ZMAT1: variants seen among roughly 807,000 people sequenced by gnomAD.
The protein encoded by ZMAT1 is zinc finger matrin-type protein 1.
Under a neutral mutation model 18.5 loss-of-function variants are expected in ZMAT1, and 11 were observed. The observed-to-expected ratio is 0.59, with a 90% confidence interval of 0.37 to 0.98. The LOEUF (loss-of-function observed/expected upper bound fraction) is 0.98, where lower values mean the gene tolerates loss of function less well. Ranked by LOEUF, ZMAT1 falls within the 50% of genes least tolerant of loss-of-function variation. ZMAT1 has a pLI of 0.01. For missense variants in ZMAT1, 525 were observed against 496.2 expected (o/e 1.06, Z -0.55); for synonymous variants, 211 against 176.4 (o/e 1.20, Z -1.55).
In ZMAT1 at chrX:101,921,293, ATTTGT is replaced by A. The variant is rs780683340; in HGVS notation, c.292+10419_292+10423del. Reference sequence around the variant, plus strand: ...GAGCGGTTCCCAGTCATATTTTATTATTTGTTTTGTTTCTTAAAGCTTTCCAGGTG... The same window carrying A: ...GAGCGGTTCCCAGTCATATTTTATTATTTGTTTCTTAAAGCTTTCCAGGTG... On this transcript the variant is annotated intron_variant, in intron 1 of 5. Coordinates refer to ENST00000651725, the MANE Select transcript of ZMAT1 (RefSeq NM_001394560.1). Among the ~76,000 whole-genome samples the A allele has an allele frequency of 3.2e-4, 36 of 111,837 alleles. 3 individuals carry two copies. Among genetic ancestry groups the A allele is most frequent in the East Asian group, 2.3e-3 (8 of 3,543 alleles).
intron 4 of ZMAT1, among the ~76,000 whole-genome samples, chrX:101,890,877 A>T (rs1396591009): frequency 9.0e-6 from 1 of 111,549 alleles, no homozygotes; most frequent in African/African-American, 3.3e-5. Context: ...ACTTCTTAAA[A>T]TTTGGAATTG....
rs1445488486 is a variant in ZMAT1, at chrX:101,901,711, CATAA to C, written c.399+2509_399+2512del. Among the ~76,000 whole-genome samples the C allele has an allele frequency of 5.4e-5, 6 of 111,137 alleles. No individual in the cohort carries two copies. In the East Asian group the frequency reaches 8.4e-4, roughly 16 times the overall value. ...TATTCCTTTACTACACATACATATCCATAAATAGTTTTATATATTACTATCTTGT... is the reference window on the plus strand; with the variant it reads ...TATTCCTTTACTACACATACATATCCATAGTTTTATATATTACTATCTTGT... On this transcript the variant is annotated intron_variant, in intron 2 of 5. Coordinates refer to ENST00000651725, the MANE Select transcript of ZMAT1 (RefSeq NM_001394560.1).
In ZMAT1 at chrX:101,931,892, C is replaced by T; in HGVS notation, c.117G>A (p.Ala39=). ...GAACAATTACTGCCGCCGCCGCCGC[C>T]GCCGCCGCCGCTGCCGCGCAGGCGG... is the stretch of plus-strand genomic sequence containing the variant. The part of the protein sequence containing the change: ...SYTACAAAAA[A]AAAAAVIVPA... Residue 39 remains alanine, a synonymous_variant, in exon 1 of 6, where the codon GCG becomes GCA. Transcript: ENST00000651725. 1.3e-6 allele frequency: 1 copy of T among 798,116 alleles called. No individual in the cohort carries two copies. The highest frequency in any genetic ancestry group is 1.5e-6 in the Non-Finnish European group (1 of 670,751). 65.8% of individuals were successfully genotyped at this position (798,116 alleles called of 1,213,427 possible).
intron 1 of ZMAT1, among the ~76,000 whole-genome samples, chrX:101,907,717 C>T (rs191942760): frequency 4.4e-4 from 49 of 111,515 alleles, no homozygotes; most frequent in African/African-American, 1.6e-3. Context: ...AACAGAGGGA[C>T]TGAAATTATA....
chrX:101,924,942 G>T (rs964564364), intron 1 of ZMAT1, among the ~76,000 whole-genome samples: 10 of 112,286 alleles, frequency 8.9e-5, no homozygotes, highest in African/African-American at 3.2e-4. Context: ...GGTGAAGCTT[G>T]CTTGGCAATG....
intron 1 of ZMAT1, among the ~76,000 whole-genome samples, chrX:101,928,339 T>A (rs1438484286): frequency 8.9e-6 from 1 of 112,420 alleles, no homozygotes; most frequent in Non-Finnish European, 1.9e-5. Flanking sequence ...CATGAAAGGT[T>A]ACCCACTAGA....
intron 1 of ZMAT1, among the ~76,000 whole-genome samples, chrX:101,924,272 C>A (rs6621247): frequency 2.7e-5 from 3 of 110,520 alleles, no homozygotes; most frequent in Admixed American, 9.6e-5. Flanking sequence ...CCACTGTGCC[C>A]GGCTAATTTT....
At chrX:101,922,676 G>C (rs1390442731) in intron 1 of ZMAT1, among the ~76,000 whole-genome samples, 1 of 111,167 alleles carries the variant, frequency 9.0e-6, no homozygotes, top group East Asian at 2.8e-4. Flanking sequence ...TACAGGCAAG[G>C]CTAATCTTAA....
At position 101,919,422 on chromosome X, in the gene ZMAT1, C is replaced by T. The variant is rs1180877200; in HGVS notation, c.292+12295G>A. On this transcript the variant is annotated intron_variant, in intron 1 of 5. Transcript: ENST00000651725. ...ATTCAGTGAAATCAAAATAACTTGT[C>T]ACGTCATTTGGGTTTAGCTGGAACT... Among the ~76,000 whole-genome samples, 5 of 111,940 alleles carry T rather than the reference C, an allele frequency of 4.5e-5. No homozygotes were observed. The East Asian group carries it at 1.4e-3, about 31-fold the overall frequency.
Position 101,883,457 on chromosome X carries a change from A to G in ZMAT1, c.*53T>C. On this transcript the variant is annotated 3_prime_UTR_variant, in exon 6 of 6. Coordinates refer to ENST00000651725, the MANE Select transcript of ZMAT1 (RefSeq NM_001394560.1). ...ATCAGGTGTTCCTTTTTCTAAATCC[A>G]TATTGACTGTTTTTTTTTTTCAATT... 4 of 1,025,096 alleles carry G rather than the reference A, an allele frequency of 3.9e-6. No homozygotes were observed. Among genetic ancestry groups the G allele is most frequent in the Non-Finnish European group, 5.2e-6 (4 of 765,990 alleles). The allele number at this position is 1,025,096 out of a possible 1,213,427, so 84.5% of individuals were successfully genotyped here. A position where few individuals can be genotyped will look rare whatever the true frequency, so the allele number is the denominator to read the frequency against.
chrX:101,907,270 C>T lies in ZMAT1; in HGVS notation c.293-2940G>A, dbSNP rs773816469. On this transcript the variant is annotated intron_variant, in intron 1 of 5. Transcript: ENST00000651725. ...TGGATACAGGCTCCAGGCCTGCCCT[C>T]GTCAACACAGGCTGTAGGTCCATTC... Among the ~76,000 whole-genome samples the T allele has an allele frequency of 3.6e-5, 4 of 111,678 alleles. No homozygotes were observed. In the South Asian group the frequency reaches 1.1e-3, roughly 31 times the overall value.
intron 1 of ZMAT1, among the ~76,000 whole-genome samples, chrX:101,906,949 C>T (rs1417332905): frequency 9.0e-6 from 1 of 111,336 alleles, no homozygotes; most frequent in East Asian, 2.8e-4. Context: ...TCCTGTAGAC[C>T]CCAGTACCAG....
At chrX:101,912,997 T>TA (rs1327714856) in intron 1 of ZMAT1, among the ~76,000 whole-genome samples, 1 of 111,666 alleles carries the variant, frequency 9.0e-6, no homozygotes, top group East Asian at 2.8e-4. Flanking sequence ...CATCATCTTA[T>TA]AAGCAATAGC....
At chrX:101,904,352 C>T (rs748949085) in intron 1 of ZMAT1, 22 bp from the exon 2 acceptor site, 14 of 1,036,610 alleles carry the variant, frequency 1.4e-5, no homozygotes, top group East Asian at 9.2e-5. Context: ...AAAGGGAAGA[C>T]AAATATATCA....
In ZMAT1 at chrX:101,884,320, ATGGTATGGTCGTTGG is replaced by A; in HGVS notation, c.1263_1277del (p.Gln422_His426del). On this transcript the variant is annotated inframe_deletion, in exon 6 of 6. Transcript: ENST00000651725. ...GTAACTGGCTTTCCACTGGTGAAAT[ATGGTATGGTCGTTGG>A]TAGGTCTGGGAAGCCTCATGTGAAA... is the stretch of plus-strand genomic sequence containing the variant. 1 of 1,210,257 alleles carries A rather than the reference ATGGTATGGTCGTTGG, an allele frequency of 8.3e-7. No homozygotes were observed. Among genetic ancestry groups the A allele is most frequent in the Non-Finnish European group, 1.1e-6 (1 of 895,108 alleles).
intron 1 of ZMAT1, among the ~76,000 whole-genome samples, chrX:101,913,103 TAGC>T (rs1187860909): frequency 8.9e-6 from 1 of 112,076 alleles, no homozygotes; most frequent in Non-Finnish European, 1.9e-5. Flanking sequence ...GTTAAGTTGT[TAGC>T]AGTTTAAAAT....
At chrX:101,899,705 T>C (rs1928085793) in intron 2 of ZMAT1, among the ~76,000 whole-genome samples, 1 of 112,634 alleles carries the variant, frequency 8.9e-6, no homozygotes, top group African/African-American at 3.2e-5. Flanking sequence ...ACTCAGTGAT[T>C]GATGGGCATT....
At chrX:101,909,282 C>G (rs1291582507) in intron 1 of ZMAT1, among the ~76,000 whole-genome samples, 4 of 111,210 alleles carry the variant, frequency 3.6e-5, no homozygotes, top group African/African-American at 1.3e-4. Context: ...CAGGAACTAC[C>G]TTGAGGGCCT....
At chrX:101,929,351 T>C (rs1325465885) in intron 1 of ZMAT1, among the ~76,000 whole-genome samples, 1 of 104,599 alleles carries the variant, frequency 9.6e-6, no homozygotes, top group African/African-American at 3.4e-5. Flanking sequence ...TTTCCTTTCT[T>C]CTCCTTTATC....
Sources: gnomAD v4.1 joint callset for allele counts (sites outside exome capture counted in the v4.1 genomes callset) on GRCh38, gnomAD v4.1.1 for gene constraint, MANE v1.5 for transcripts, NCBI Gene and HGNC (gene_info 2026-07-23, HGNC 2026-07-21) for gene names.